Variants in ATP6V1C2 observed in about 807,000 individuals in gnomAD.
The protein encoded by ATP6V1C2 is ATPase H+ transporting V1 subunit C2, also known as V-type proton ATPase subunit C 2.
A neutral mutation model predicts 56.8 loss-of-function variants in ATP6V1C2; 45 were observed. That is an observed-to-expected ratio of 0.79 (90% CI 0.62 to 1.02). ATP6V1C2 has a LOEUF of 1.02. ATP6V1C2 is among the 50% of genes least tolerant of loss of function. The pLI is 0.00. For synonymous variants in ATP6V1C2, 220 were observed against 201.3 expected, an observed-to-expected ratio of 1.09 and a Z score of -0.79; for missense variants, 463 against 519.7, an observed-to-expected ratio of 0.89 and a Z score of 1.06.
intron 3 of ATP6V1C2, among the ~76,000 whole-genome samples, chr2:10,732,920 G>A (rs1167131575): frequency 6.7e-6 from 1 of 149,420 alleles, no homozygotes; most frequent in African/African-American, 2.5e-5. Flanking sequence ...GCAGTGAGCC[G>A]AGATTGTGCC....
intron 3 of ATP6V1C2, among the ~76,000 whole-genome samples, chr2:10,747,007 G>A (rs1019393493): frequency 2.6e-5 from 4 of 152,200 alleles, no homozygotes; most frequent in Admixed American, 1.3e-4. Context: ...GGTGGCTTGC[G>A]CCTGCAATCC....
chr2:10,751,610 G>C (rs1483438439), intron 3 of ATP6V1C2, among the ~76,000 whole-genome samples: 1 of 152,126 alleles, frequency 6.6e-6, no homozygotes, highest in Non-Finnish European at 1.5e-5. Context: ...GTGGCCGAGA[G>C]CCTCACTTTT....
chr2:10,778,574 C>A lies in ATP6V1C2; in HGVS notation c.966C>A (p.Gly322=), dbSNP rs747001202. 2.5e-6 allele frequency: 4 copies of A among 1,613,862 alleles called. No individual in the cohort carries two copies. Among genetic ancestry groups the A allele is most frequent in the Admixed American group, 3.3e-5 (2 of 60,024 alleles). ...ACCTGGCTCTTCTGTCTTTGCAGGGCCCCCTGCTGCGCTGGCTCAAGGTGA... is the reference window on the plus strand; with the variant it reads ...ACCTGGCTCTTCTGTCTTTGCAGGGACCCCTGCTGCGCTGGCTCAAGGTGA... The part of the protein sequence containing the change: ...RERESEGEGE[G]PLLRWLKVNF... Residue 322 remains glycine, a splice_region_variant and synonymous_variant, in exon 12 of 14, where the codon GGC becomes GGA. Transcript: ENST00000272238.
In ATP6V1C2 at chr2:10,759,949, G is replaced by A. The variant is rs375879349; in HGVS notation, c.284-4382G>A. Among the ~76,000 whole-genome samples the A allele has an allele frequency of 5.9e-4, 90 of 151,912 alleles. No homozygotes were observed. The East Asian group carries it at 0.013, about 22-fold the overall frequency. On this transcript the variant is annotated intron_variant, in intron 4 of 13. Coordinates refer to ENST00000272238, the MANE Select transcript of ATP6V1C2 (RefSeq NM_001039362.2). The stretch of plus-strand genomic sequence containing the variant: ...CCCTAGTTCCTACCACTGCTTTACT[G>A]GCTCCCAGATACCTCTCGCCAATTT...
chr2:10,777,771 C>T lies in ATP6V1C2; in HGVS notation c.963+49C>T, dbSNP rs1162453442. On this transcript the variant is annotated intron_variant, in intron 11 of 13. Transcript: ENST00000272238. ...GGGGTCCCTGGCTCACATCTCCTCG[C>T]CAGCTCAGGCGCCTTCTGGGAAAAT... is the stretch of plus-strand genomic sequence containing the variant. The T allele has an allele frequency of 3.2e-6, 5 of 1,566,472 alleles. No individual in the cohort carries two copies. The African/African-American group carries it at 6.9e-5, about 22-fold the overall frequency.
At chr2:10,729,257 C>T (rs920236492) in intron 3 of ATP6V1C2, among the ~76,000 whole-genome samples, 1 of 151,362 alleles carries the variant, frequency 6.6e-6, no homozygotes, top group African/African-American at 2.4e-5. Flanking sequence ...CTCTGCCTCC[C>T]AAGTTGAAGC....
chr2:10,771,173 C>T (rs1176975029), intron 6 of ATP6V1C2, among the ~76,000 whole-genome samples: 1 of 152,214 alleles, frequency 6.6e-6, no homozygotes, highest in African/African-American at 2.4e-5. Flanking sequence ...TTGGCCATGG[C>T]TCAACGCTGG....
intron 10 of ATP6V1C2, among the ~76,000 whole-genome samples, chr2:10,776,005 C>G (rs1272100476): frequency 1.3e-5 from 2 of 152,100 alleles, no homozygotes; most frequent in Non-Finnish European, 2.9e-5. Context: ...TGGGAGTGCT[C>G]CCAGTGTCCG....
intron 8 of ATP6V1C2, among the ~76,000 whole-genome samples, chr2:10,773,111 A>G (rs1387572): frequency 0.53 from 80,120 of 152,106 alleles, 22,365 homozygotes; most frequent in Non-Finnish European, 0.64. Flanking sequence ...GGGACACTGC[A>G]TGGCGGGGGA....
intron 3 of ATP6V1C2, among the ~76,000 whole-genome samples, chr2:10,743,574 A>G (rs923765363): frequency 6.6e-6 from 1 of 151,150 alleles, no homozygotes; most frequent in African/African-American, 2.4e-5. Context: ...TGGAAGTTCA[A>G]TGGCTCACAC....
At chr2:10,755,695 G>C (rs1663512518) in intron 4 of ATP6V1C2, among the ~76,000 whole-genome samples, 1 of 152,078 alleles carries the variant, frequency 6.6e-6, no homozygotes, top group African/African-American at 2.4e-5. Flanking sequence ...GGGCAATTCT[G>C]CCTCCTCACC....
intron 3 of ATP6V1C2, among the ~76,000 whole-genome samples, chr2:10,732,967 C>CA (rs34565390): frequency 0.28 from 35,616 of 125,824 alleles, 4,621 homozygotes; most frequent in South Asian, 0.46. Flanking sequence ...AAGACTGTCT[C>CA]AAAAAAAAAA....
rs930924936 is a variant in ATP6V1C2 at position 10,763,020 on chromosome 2, C to T, written c.284-1311C>T. Among the ~76,000 whole-genome samples, 1 of 152,132 alleles carries T rather than the reference C, an allele frequency of 6.6e-6. No individual in the cohort carries two copies. Among genetic ancestry groups the T allele is most frequent in the Non-Finnish European group, 1.5e-5 (1 of 68,018 alleles). On this transcript the variant is annotated intron_variant, in intron 4 of 13. Transcript: ENST00000272238. The surrounding 1 kb of genome is among the most constrained non-coding windows in gnomAD (Gnocchi z 4.2). ...AGTCTTGTTTGGTGACCCCACTGGG[C>T]GCTGCTGTTGGGGTTGGAGGAATCT... is the stretch of plus-strand genomic sequence containing the variant.
chr2:10,727,270 A>G (rs1661697982), intron 3 of ATP6V1C2, among the ~76,000 whole-genome samples: 1 of 151,732 alleles, frequency 6.6e-6, no homozygotes. Context: ...GGGTTTCACC[A>G]TGTGTTCCAG....
chr2:10,760,033 T>G (rs1443030245), intron 4 of ATP6V1C2, among the ~76,000 whole-genome samples: 2 of 150,598 alleles, frequency 1.3e-5, no homozygotes, highest in Non-Finnish European at 3.0e-5. Context: ...GTTTTTTGTT[T>G]TTTTTTTTTT....
intron 3 of ATP6V1C2, among the ~76,000 whole-genome samples, chr2:10,752,722 G>A (rs1021621742): frequency 1.2e-4 from 18 of 152,292 alleles, no homozygotes; most frequent in Middle Eastern, 3.4e-3. Flanking sequence ...TCGGCAGGGT[G>A]CGATGGCTCA....
chr2:10,741,896 T>C (rs773685891), intron 3 of ATP6V1C2, among the ~76,000 whole-genome samples: 1 of 1,262 alleles, frequency 7.9e-4, no homozygotes, highest in Non-Finnish European at 2.5e-3. Context: ...CCTTCCCTCC[T>C]TCCTTCCTTC....
chr2:10,784,767 G>C lies in ATP6V1C2; in HGVS notation c.*1504G>C. The stretch of plus-strand genomic sequence containing the variant: ...CAAATGCCATGCAGCACTTAAACTT[G>C]TGATAAGGAAGATGAAGGGTCTTCA... On this transcript the variant is annotated 3_prime_UTR_variant, in exon 14 of 14. Coordinates refer to ENST00000272238, the MANE Select transcript of ATP6V1C2 (RefSeq NM_001039362.2). 1.7e-6 allele frequency: 1 copy of C among 582,496 alleles called. No individual in the cohort carries two copies. Among genetic ancestry groups the C allele is most frequent in the East Asian group, 2.9e-5 (1 of 34,746 alleles). 36.1% of individuals were successfully genotyped at this position (582,496 alleles called of 1,614,324 possible).
In ATP6V1C2 at chr2:10,764,254, T is replaced by G. The variant is rs1242113523; in HGVS notation, c.284-77T>G. 9 of 1,314,656 alleles carry G rather than the reference T, an allele frequency of 6.8e-6. No homozygotes were observed. The East Asian group carries it at 2.1e-4, about 31-fold the overall frequency. 81.4% of individuals were successfully genotyped at this position (1,314,656 alleles called of 1,614,324 possible). A position where few individuals can be genotyped will look rare whatever the true frequency, so the allele number is the denominator to read the frequency against. ...CTGCCTTCGTGTCCACGCTGATGCT[T>G]GGCTTGGGATTCCGAAGTCTCAATC... On this transcript the variant is annotated intron_variant, in intron 4 of 13. Transcript: ENST00000272238.
Sources: gnomAD v4.1 joint callset for allele counts (sites outside exome capture counted in the v4.1 genomes callset) on GRCh38, gnomAD v4.1.1 for gene constraint, Gnocchi (gnomAD v3.1) non-coding constraint, MANE v1.5 for transcripts, NCBI Gene and HGNC (gene_info 2026-07-23, HGNC 2026-07-21) for gene names.